MBP: variants seen among roughly 807,000 people sequenced by gnomAD.
MBP encodes the protein myelin basic protein.
MBP carries 16 observed loss-of-function variants against 35.8 expected under a neutral mutation model. The observed-to-expected ratio is 0.45, with a 90% CI of 0.30 to 0.68. The LOEUF is 0.68. MBP is among the 30% of genes least tolerant of loss of function. MBP has a pLI of 0.08. For synonymous variants in MBP, 143 were observed against 159.6 expected (o/e 0.90, Z 0.78); for missense variants, 380 against 404.7 (o/e 0.94, Z 0.52).
intron 3 of MBP, among the ~76,000 whole-genome samples, chr18:77,032,110 C>T (rs1233206867): frequency 6.6e-6 from 1 of 152,218 alleles, no homozygotes; most frequent in Non-Finnish European, 1.5e-5. Flanking sequence ...GCAGGGCCTC[C>T]ACTCTCCTGG....
At chr18:77,051,408 G>A (rs569054070) in intron 3 of MBP, among the ~76,000 whole-genome samples, 46 of 152,278 alleles carry the variant, frequency 3.0e-4, no homozygotes, top group South Asian at 8.3e-4. Flanking sequence ...CACCACTGTC[G>A]GCCTGGCTCA....
At chr18:77,118,531 G>A (rs1002643004) in intron 1 of MBP, among the ~76,000 whole-genome samples, 1 of 151,848 alleles carries the variant, frequency 6.6e-6, no homozygotes, top group African/African-American at 2.4e-5. Flanking sequence ...CGGCACCAGG[G>A]TTCACAGACA....
chr18:77,120,677 G>A (rs1367680291), intron 1 of MBP, among the ~76,000 whole-genome samples: 3 of 152,158 alleles, frequency 2.0e-5, no homozygotes, highest in South Asian at 2.1e-4. Context: ...AAGTTCACCC[G>A]AGAAAAGGAT....
At chr18:77,112,527 G>A (rs1319880681) in intron 1 of MBP, 1 of 152,238 alleles carries the variant, frequency 6.6e-6, no homozygotes, top group Admixed American at 6.5e-5. Flanking sequence ...CTATGGAGGA[G>A]GGTCAGATCC....
chr18:77,031,185 CT>C (rs1343422699), intron 3 of MBP, among the ~76,000 whole-genome samples: 2 of 152,212 alleles, frequency 1.3e-5, no homozygotes, highest in African/African-American at 4.8e-5. Flanking sequence ...GATAATACAA[CT>C]TTCCTCAAGT....
At chr18:77,065,926 T>G (rs779200359) in intron 3 of MBP, 1 of 198,224 alleles carries the variant, frequency 5.0e-6, no homozygotes, top group African/African-American at 2.3e-5. Flanking sequence ...GGAGCAATCA[T>G]AGCTCACTGC....
chr18:77,094,541 G>A (rs1395354619), intron 2 of MBP, among the ~76,000 whole-genome samples: 1 of 152,232 alleles, frequency 6.6e-6, no homozygotes, highest in Non-Finnish European at 1.5e-5. Context: ...GTGAGCACAG[G>A]AGAGCTTACT....
intron 2 of MBP, among the ~76,000 whole-genome samples, chr18:77,071,401 G>A (rs1017618220): frequency 6.6e-6 from 1 of 150,810 alleles, no homozygotes; most frequent in African/African-American, 2.4e-5. Context: ...ATTAGGAGAT[G>A]TCCTAAGCTT....
rs187254643 is a variant in MBP, at chr18:77,075,707, C to G, written c.52-9322G>C. Among the ~76,000 whole-genome samples the G allele has an allele frequency of 6.1e-3, 925 of 152,296 alleles. 3 individuals are homozygous for G. The highest frequency in any genetic ancestry group is 0.011 in the Non-Finnish European group (760 of 68,028). On this transcript the variant is annotated intron_variant, in intron 2 of 8. Transcript: ENST00000355994. ...GCCCACATGGAAGAGCTCTGTTTAA[C>G]GTCCTCAGAACAGGTGCTTTTCAAT...
chr18:77,012,987 T>TTAACTATCG, intron 4 of MBP: 2 of 985,454 alleles, frequency 2.0e-6, no homozygotes, highest in Non-Finnish European at 2.4e-6. Flanking sequence ...TCCAGTCTAA[T>TTAACTATCG]TAACTATCGT....
intron 4 of MBP, chr18:77,015,979 C>T: frequency 1.0e-6 from 1 of 985,276 alleles, no homozygotes; most frequent in Non-Finnish European, 1.2e-6. Flanking sequence ...TTGGGAAAAA[C>T]TTCTTTCTCT....
In MBP at chr18:76,987,352, G is replaced by A. The variant is rs190627527; in HGVS notation, c.750+1143C>T. The A allele has an allele frequency of 3.3e-4, 329 of 985,388 alleles. 9 individuals carry two copies. In the East Asian group the frequency reaches 0.022, roughly 67 times the overall value. The allele number at this position is 985,388 out of a possible 1,614,324, so 61.0% of individuals were successfully genotyped here. The stretch of plus-strand genomic sequence containing the variant: ...GTACATTTGCTACATGATTGTCATC[G>A]TTTTGCAAATTCATTAGGTCAGAAA... On this transcript the variant is annotated intron_variant, in intron 7 of 8. Coordinates refer to ENST00000355994, the MANE Select transcript of MBP (RefSeq NM_001025101.2).
chr18:77,025,033 C>T (rs556642651), intron 3 of MBP, among the ~76,000 whole-genome samples: 5 of 152,264 alleles, frequency 3.3e-5, no homozygotes, highest in South Asian at 4.1e-4. Context: ...TGTGCATTCT[C>T]GTAACTCTCC....
At chr18:76,991,832 T>C (rs952762710) in intron 4 of MBP, among the ~76,000 whole-genome samples, 3 of 152,206 alleles carry the variant, frequency 2.0e-5, no homozygotes, top group East Asian at 1.9e-4. Context: ...GTCAGCTCTA[T>C]GCACATTGAT....
At chr18:77,052,590 T>C (rs975711307) in intron 3 of MBP, among the ~76,000 whole-genome samples, 1 of 152,228 alleles carries the variant, frequency 6.6e-6, no homozygotes, top group Non-Finnish European at 1.5e-5. Context: ...TAGGGGTAAG[T>C]GCACAGGAAA....
chr18:77,085,433 G>A (rs531698710), intron 2 of MBP, among the ~76,000 whole-genome samples: 2 of 152,318 alleles, frequency 1.3e-5, no homozygotes, highest in Admixed American at 1.3e-4. Context: ...CTGTGGAATA[G>A]GCAGAATGAT....
chr18:76,997,957 C>T (rs1249834098), intron 4 of MBP, among the ~76,000 whole-genome samples: 1 of 152,010 alleles, frequency 6.6e-6, no homozygotes, highest in African/African-American at 2.4e-5. Flanking sequence ...GCTGGGATTA[C>T]AGGCGTGAGC....
At chr18:77,133,141 C>T (rs1305862078), upstream of MBP, among the ~76,000 whole-genome samples, 3 of 152,194 alleles carry the variant, frequency 2.0e-5, no homozygotes, top group Non-Finnish European at 4.4e-5. Flanking sequence ...GGCCGCATCT[C>T]CCCGCGTCCT....
intron 1 of MBP, among the ~76,000 whole-genome samples, chr18:77,105,934 T>C (rs731725): frequency 0.025 from 3,831 of 152,296 alleles, 262 homozygotes; most frequent in East Asian, 0.2. Context: ...CCCCAAGATA[T>C]GCAAAGAACG....
Sources: allele counts gnomAD v4.1 joint callset (sites outside exome capture counted in the v4.1 genomes callset), GRCh38; gene constraint gnomAD v4.1.1; transcripts MANE v1.5; gene names NCBI Gene and HGNC (gene_info 2026-07-23, HGNC 2026-07-21).